The following DOK6 variants were observed in gnomAD, a reference collection of about 807,000 sequenced individuals.
DOK6 encodes docking protein 6, also known as downstream of tyrosine kinase 6.
In DOK6, 22 loss-of-function variants were observed where a neutral mutation model predicts 44.0. The observed-to-expected ratio is 0.50, with a 90% CI of 0.36 to 0.71. The LOEUF (loss-of-function observed/expected upper bound fraction) is 0.71, where lower values mean the gene tolerates loss of function less well. Among genes scored for constraint, DOK6 ranks in the 30% least tolerant of loss-of-function variants. The pLI, the probability that DOK6 is intolerant of heterozygous loss-of-function variation, is 0.00. For missense variants in DOK6, 340 were observed against 416.4 expected (o/e 0.82, Z 1.60); for synonymous variants, 166 against 145.5 (o/e 1.14, Z -1.01).
intron 6 of DOK6, 55 bp downstream of exon 6, chr18:69,739,158 T>C: frequency 6.2e-7 from 1 of 1,602,162 alleles, no homozygotes; most frequent in South Asian, 1.1e-5. Flanking sequence ...CACTGGGATC[T>C]GATGTACACT....
At chr18:69,452,296 T>A (rs1979492456) in intron 1 of DOK6, among the ~76,000 whole-genome samples, 1 of 150,836 alleles carries the variant, frequency 6.6e-6, no homozygotes, top group Non-Finnish European at 1.5e-5. Context: ...TCTACGCAAA[T>A]AAACTAGAAA....
At position 69,844,541 on chromosome 18, in the gene DOK6, T is replaced by C. The variant is rs534937396; in HGVS notation, c.*3158T>C. 1 of 152,122 alleles carries C rather than the reference T, an allele frequency of 6.6e-6. No individual in the cohort carries two copies. Among genetic ancestry groups the C allele is most frequent in the Non-Finnish European group, 1.5e-5 (1 of 68,044 alleles). 9.4% of individuals were successfully genotyped at this position (152,122 alleles called of 1,614,324 possible). On this transcript the variant is annotated 3_prime_UTR_variant, in exon 8 of 8. Transcript: ENST00000382713. ...AAATGCAGGAGAGTACAAAACAACC[T>C]TGATCCAATAGTTTCCTATTCTGGG...
At chr18:69,612,676 G>A (rs1420754474) in intron 3 of DOK6, among the ~76,000 whole-genome samples, 1 of 150,488 alleles carries the variant, frequency 6.6e-6, no homozygotes, top group African/African-American at 2.4e-5. Context: ...CTCTGTTCAC[G>A]GTCTCTCTAC....
rs184454548 is a variant in DOK6 at position 69,428,347 on chromosome 18, C to T, written c.66+27037C>T. On this transcript the variant is annotated intron_variant, in intron 1 of 7. Coordinates refer to ENST00000382713, the MANE Select transcript of DOK6 (RefSeq NM_152721.6). ...TTTAAAATCCTATCGTTTATGTCTT[C>T]ATTCATTCATTCCATGATACAGATT... Among the ~76,000 whole-genome samples the T allele has an allele frequency of 1.2e-4, 19 of 152,136 alleles. No homozygotes were observed. In the East Asian group the frequency reaches 2.9e-3, roughly 23 times the overall value.
At chr18:69,417,253 C>G (rs1000004317) in intron 1 of DOK6, among the ~76,000 whole-genome samples, 1 of 152,062 alleles carries the variant, frequency 6.6e-6, no homozygotes, top group Non-Finnish European at 1.5e-5. Flanking sequence ...TGGTACCCAC[C>G]ATTCTATCCA....
intron 3 of DOK6, among the ~76,000 whole-genome samples, chr18:69,656,467 C>T (rs535904557): frequency 6.6e-6 from 1 of 152,264 alleles, no homozygotes; most frequent in African/African-American, 2.4e-5. Context: ...ATTACTCCAC[C>T]TCTCTGTGCC....
chr18:69,497,782 CAG>C (rs1314693713), intron 1 of DOK6, among the ~76,000 whole-genome samples: 1 of 152,088 alleles, frequency 6.6e-6, no homozygotes, highest in African/African-American at 2.4e-5. Context: ...AAATATAAAA[CAG>C]TGTTAAAATT....
At chr18:69,761,663 C>T (rs1228343596) in intron 7 of DOK6, among the ~76,000 whole-genome samples, 1 of 152,050 alleles carries the variant, frequency 6.6e-6, no homozygotes, top group Admixed American at 6.6e-5. Flanking sequence ...CCAGCCAAGT[C>T]CAAGGGAGAC....
intron 1 of DOK6, among the ~76,000 whole-genome samples, chr18:69,479,407 C>T (rs1980357290): frequency 6.6e-6 from 1 of 151,988 alleles, no homozygotes; most frequent in Non-Finnish European, 1.5e-5. Flanking sequence ...CCATACCTAG[C>T]CCTCAATATA....
At chr18:69,658,262 A>G (rs1985420634) in intron 3 of DOK6, among the ~76,000 whole-genome samples, 1 of 152,106 alleles carries the variant, frequency 6.6e-6, no homozygotes, top group Non-Finnish European at 1.5e-5. Flanking sequence ...CTGGGTTAAG[A>G]GCATAGACTG....
chr18:69,609,189 A>C (rs1403859541), intron 3 of DOK6, among the ~76,000 whole-genome samples: 2 of 152,294 alleles, frequency 1.3e-5, no homozygotes, highest in South Asian at 2.1e-4. Context: ...TAAACAGTGA[A>C]GAAAGACATC....
chr18:69,477,840 G>A (rs369770322), intron 1 of DOK6, among the ~76,000 whole-genome samples: 4 of 152,078 alleles, frequency 2.6e-5, no homozygotes, highest in South Asian at 2.1e-4. Flanking sequence ...TTTCGTATCC[G>A]TTATCTTCCT....
chr18:69,659,161 C>T (rs925979211), intron 3 of DOK6, among the ~76,000 whole-genome samples: 1 of 152,240 alleles, frequency 6.6e-6, no homozygotes, highest in African/African-American at 2.4e-5. Context: ...CTGAGCTCTG[C>T]ATGTTCTCTG....
At chr18:69,814,924 T>G (rs994208022) in intron 7 of DOK6, among the ~76,000 whole-genome samples, 1 of 151,864 alleles carries the variant, frequency 6.6e-6, no homozygotes, top group African/African-American at 2.4e-5. Flanking sequence ...AGTTTGAGTG[T>G]CCAGATAAGA....
chr18:69,578,427 T>A (rs945887742), intron 2 of DOK6, among the ~76,000 whole-genome samples: 5 of 152,130 alleles, frequency 3.3e-5, no homozygotes, highest in African/African-American at 1.2e-4. Flanking sequence ...AAGAAAATAA[T>A]TCATATCAAC....
At chr18:69,737,724 C>T (rs1468893408) in intron 5 of DOK6, among the ~76,000 whole-genome samples, 1 of 152,144 alleles carries the variant, frequency 6.6e-6, no homozygotes, top group Admixed American at 6.5e-5. Context: ...ACAAAAATCC[C>T]TCCTGTAAGC....
intron 1 of DOK6, among the ~76,000 whole-genome samples, chr18:69,528,440 A>C (rs1258268284): frequency 1.3e-5 from 2 of 152,206 alleles, no homozygotes; most frequent in African/African-American, 4.8e-5. Flanking sequence ...TTTAATGCGT[A>C]TTTCACTTTA....
chr18:69,797,862 T>G (rs1424820717), intron 7 of DOK6, among the ~76,000 whole-genome samples: 6 of 152,128 alleles, frequency 3.9e-5, no homozygotes, highest in Non-Finnish European at 7.4e-5. Context: ...GATTATTGCC[T>G]CCTTGTAATG....
chr18:69,441,158 A>C (rs879343495), intron 1 of DOK6, among the ~76,000 whole-genome samples: 33 of 152,148 alleles, frequency 2.2e-4, no homozygotes, highest in Non-Finnish European at 2.5e-4. Flanking sequence ...CACCATAAAA[A>C]TACTCCTTAC....
Sources: allele counts gnomAD v4.1 joint callset (sites outside exome capture counted in the v4.1 genomes callset), GRCh38; gene constraint gnomAD v4.1.1; transcripts MANE v1.5; gene names NCBI Gene and HGNC (gene_info 2026-07-23, HGNC 2026-07-21).